The following VWA8 variants were observed in gnomAD, a reference collection of about 807,000 sequenced individuals.
VWA8 encodes von Willebrand factor A domain containing 8, also known as von Willebrand factor A domain-containing protein 8.
VWA8 carries 221 observed loss-of-function variants against 241.5 expected under a neutral mutation model. The observed-to-expected ratio is 0.91, with a 90% CI of 0.82 to 1.02. The LOEUF (loss-of-function observed/expected upper bound fraction) is 1.02. Among genes scored for constraint, VWA8 ranks in the 50% least tolerant of loss-of-function variants. The pLI is 0.00. For missense variants in VWA8, 2,322 were observed against 2,328.7 expected, an observed-to-expected ratio of 1.00 and a Z score of 0.06; for synonymous variants, 852 against 827.1, an observed-to-expected ratio of 1.03 and a Z score of -0.52.
At position 41,907,586 on chromosome 13, in the gene VWA8, C is replaced by G. The variant is rs925353374; in HGVS notation, c.483G>C (p.Gln161His). Residue 161 changes from glutamine (Q) to histidine (H), a missense_variant and splice_region_variant, in exon 4 of 45, where the codon CAG becomes CAC. Physicochemically the swap from Gln to His is conservative, Grantham distance 24. Transcript: ENST00000379310. ...IRAGTAFYID[Q>H]CAVRAATEGR... ...TGGGCTAGAGTGTGACAGAACTTGC[C>G]TGATCAATGTAAAAGGCTGTGCCTG... is the stretch of plus-strand genomic sequence containing the variant. 8.7e-6 allele frequency: 14 copies of G among 1,613,886 alleles called. No individual in the cohort carries two copies. Among genetic ancestry groups the G allele is most frequent in the African/African-American group, 2.7e-5 (2 of 74,914 alleles).
At chr13:41,645,132 C>T (rs986310751) in intron 37 of VWA8, among the ~76,000 whole-genome samples, 2 of 152,176 alleles carry the variant, frequency 1.3e-5, no homozygotes, top group Admixed American at 1.3e-4. Context: ...GCACCTACCT[C>T]ATAGGGTCAT....
intron 34 of VWA8, among the ~76,000 whole-genome samples, chr13:41,688,483 T>G (rs527384856): frequency 1.9e-4 from 29 of 152,260 alleles, no homozygotes; most frequent in African/African-American, 6.7e-4. Flanking sequence ...CAGAGGAAGA[T>G]GTCGCCCAGT....
At chr13:41,927,438 T>C in intron 2 of VWA8, 1 of 387,250 alleles carries the variant, frequency 2.6e-6, no homozygotes, top group Non-Finnish European at 5.3e-6. Context: ...TGTGTGTTGC[T>C]TTCCATTTGA....
intron 27 of VWA8, 40 bp downstream of exon 27, chr13:41,703,263 A>G (rs751975801): frequency 2.0e-6 from 3 of 1,531,170 alleles, no homozygotes; most frequent in Non-Finnish European, 2.7e-6. Context: ...CAAAATTTAT[A>G]AGGTTCAATA....
intron 17 of VWA8, among the ~76,000 whole-genome samples, chr13:41,794,442 T>C (rs1869597645): frequency 6.6e-6 from 1 of 152,196 alleles, no homozygotes. Flanking sequence ...GCATGCCTGT[T>C]GTTGGTGTAT....
intron 37 of VWA8, among the ~76,000 whole-genome samples, chr13:41,640,885 T>C (rs559836199): frequency 3.3e-5 from 5 of 152,310 alleles, no homozygotes; most frequent in Middle Eastern, 3.4e-3. Context: ...GAAAGTGGTA[T>C]TTCCAATTTA....
intron 34 of VWA8, among the ~76,000 whole-genome samples, chr13:41,685,601 T>A (rs1242596874): frequency 6.6e-6 from 1 of 152,194 alleles, no homozygotes; most frequent in East Asian, 1.9e-4. Context: ...TTGGATGTGG[T>A]ACAGGAAGGA....
chr13:41,738,302 A>G (rs1232792616), intron 21 of VWA8, among the ~76,000 whole-genome samples: 1 of 152,176 alleles, frequency 6.6e-6, no homozygotes, highest in Non-Finnish European at 1.5e-5. Context: ...TATAAAAGGA[A>G]GGAAAACATT....
intron 26 of VWA8, among the ~76,000 whole-genome samples, chr13:41,716,820 T>A (rs544794013): frequency 1.3e-5 from 2 of 152,164 alleles, no homozygotes; most frequent in East Asian, 3.9e-4. Context: ...ATCCAATGTG[T>A]ATCTTCCCCA....
At chr13:41,798,256 A>T (rs944413978) in intron 17 of VWA8, among the ~76,000 whole-genome samples, 3 of 152,306 alleles carry the variant, frequency 2.0e-5, no homozygotes, top group Admixed American at 1.3e-4. Flanking sequence ...AAATTTAACA[A>T]TATATTTGCC....
intron 2 of VWA8, among the ~76,000 whole-genome samples, chr13:41,928,414 T>C (rs528948689): frequency 6.6e-6 from 1 of 152,118 alleles, no homozygotes; most frequent in Admixed American, 6.5e-5. Flanking sequence ...CAGATCATAA[T>C]GATATGAAAC....
At chr13:41,923,113 G>A (rs906286003) in intron 2 of VWA8, among the ~76,000 whole-genome samples, 3 of 152,138 alleles carry the variant, frequency 2.0e-5, no homozygotes, top group African/African-American at 7.2e-5. Context: ...CCATAAAAAA[G>A]GATGAGTTCA....
chr13:41,601,364 A>G (rs1340533567), intron 40 of VWA8, among the ~76,000 whole-genome samples: 1 of 152,156 alleles, frequency 6.6e-6, no homozygotes, highest in Non-Finnish European at 1.5e-5. Context: ...GTGCTACACA[A>G]TCAGTGTTCA....
intron 4 of VWA8, among the ~76,000 whole-genome samples, chr13:41,902,315 C>T (rs1566500429): frequency 6.6e-6 from 1 of 152,098 alleles, no homozygotes; most frequent in Admixed American, 6.6e-5. Context: ...ACATGGCATA[C>T]CATTTTTGTA....
chr13:41,953,102 CA>C (rs2138168960), intron 1 of VWA8, among the ~76,000 whole-genome samples: 1 of 152,214 alleles, frequency 6.6e-6, no homozygotes, highest in African/African-American at 2.4e-5. Context: ...TGCACAATCA[CA>C]TCTAGATATT....
chr13:41,582,728 TATA>T (rs2044391190), intron 42 of VWA8, among the ~76,000 whole-genome samples: 1 of 152,054 alleles, frequency 6.6e-6, no homozygotes, highest in Non-Finnish European at 1.5e-5. Context: ...AATATGATCA[TATA>T]ACATAATGAT....
chr13:41,718,181 C>T (rs2045359083), intron 26 of VWA8, among the ~76,000 whole-genome samples: 2 of 151,982 alleles, frequency 1.3e-5, no homozygotes, highest in East Asian at 1.9e-4. Flanking sequence ...AAAGCCAGTA[C>T]TCTAATTATA....
At chr13:41,874,766 T>C (rs1279147283) in intron 9 of VWA8, among the ~76,000 whole-genome samples, 1 of 152,154 alleles carries the variant, frequency 6.6e-6, no homozygotes, top group African/African-American at 2.4e-5. Flanking sequence ...GTACTGAAAG[T>C]GAAATTCTGC....
intron 2 of VWA8, among the ~76,000 whole-genome samples, chr13:41,936,627 T>C (rs528423045): frequency 2.0e-5 from 3 of 152,246 alleles, no homozygotes; most frequent in Non-Finnish European, 4.4e-5. Context: ...TGGGGAGATG[T>C]TGGTTGAAGG....
Sources: allele counts gnomAD v4.1 joint callset (sites outside exome capture counted in the v4.1 genomes callset), GRCh38; gene constraint gnomAD v4.1.1; transcripts MANE v1.5; gene names NCBI Gene and HGNC (gene_info 2026-07-23, HGNC 2026-07-21).